PRDM15: variants seen among roughly 807,000 people sequenced by gnomAD.
PRDM15 encodes the protein PR/SET domain 15, also known as PR domain zinc finger protein 15.
In PRDM15, 64 loss-of-function variants were observed where a neutral mutation model predicts 128.6. The ratio of observed to expected loss-of-function variants is 0.50; its 90% CI spans 0.41 to 0.61. The LOEUF (loss-of-function observed/expected upper bound fraction) is 0.61, where lower values mean the gene tolerates loss of function less well. Ranked by LOEUF, PRDM15 falls within the 20% of genes least tolerant of loss-of-function variation. PRDM15 has a pLI of 0.00. For synonymous variants in PRDM15, 615 were observed against 621.8 expected (o/e 0.99, Z 0.16); for missense variants, 1,242 against 1,569.1 (o/e 0.79, Z 3.52).
Position 41,825,008 on chromosome 21 carries a change from G to A in PRDM15, c.1629+952C>T, listed in dbSNP as rs372398727. ...TCCGGGGCTCACGTGAGCTGTGTGT[G>A]GCTGGGGCACCCTCCCCTCGGCGGC... On this transcript the variant is annotated intron_variant, in intron 13 of 23. Transcript: ENST00000398548. 8.1e-4 allele frequency among the ~76,000 whole-genome samples: 124 copies of A among 152,344 alleles called. 2 individuals carry two copies. In the South Asian group the frequency reaches 0.025, roughly 30 times the overall value.
At chr21:41,829,418 TAAC>T (rs1286103277) in intron 11 of PRDM15, among the ~76,000 whole-genome samples, 6 of 149,248 alleles carry the variant, frequency 4.0e-5, no homozygotes, top group African/African-American at 1.0e-4. Flanking sequence ...AATACACAAA[TAAC>T]ACCACACACA....
At position 41,858,074 on chromosome 21, in the gene PRDM15, G is replaced by A. The variant is rs564944605; in HGVS notation, c.132-745C>T. ...ATGGAGGAGGGACCACAGGGAACTC[G>A]CTGCTGAGGAGCCATATGAAGAGCA... On this transcript the variant is annotated intron_variant, in intron 3 of 23. Transcript: ENST00000398548. Among the ~76,000 whole-genome samples, 10 of 152,358 alleles carry A rather than the reference G, an allele frequency of 6.6e-5. No homozygotes were observed. In the South Asian group the frequency reaches 2.1e-3, roughly 32 times the overall value.
In PRDM15 at chr21:41,801,069, G is replaced by T; in HGVS notation, c.*171C>A. ...TGCCAGAGGTCCCTTCTAGAGTTAA[G>T]CTGACAGACCGTAATGGTTGCTGGC... is the stretch of plus-strand genomic sequence containing the variant. On this transcript the variant is annotated 3_prime_UTR_variant, in exon 24 of 24. Coordinates refer to ENST00000398548, the MANE Select transcript of PRDM15 (RefSeq NM_001040424.3). The T allele has an allele frequency of 1.0e-6, 1 of 953,662 alleles. No individual in the cohort carries two copies. Among genetic ancestry groups the T allele is most frequent in the Non-Finnish European group, 1.5e-6 (1 of 655,242 alleles). The allele number at this position is 953,662 out of a possible 1,614,324, so 59.1% of individuals were successfully genotyped here.
Position 41,819,717 on chromosome 21 carries a change from T to C in PRDM15, c.2141-16A>G, listed in dbSNP as rs539753835. On this transcript the variant is annotated splice_polypyrimidine_tract_variant and intron_variant, in intron 17 of 23. Transcript: ENST00000398548. Reference sequence around the variant, plus strand: ...CTCTTCACACCTGAGAACACAGGCATCTGCCACTCAGAGCCGAGCAGCTCC... The same window carrying C: ...CTCTTCACACCTGAGAACACAGGCACCTGCCACTCAGAGCCGAGCAGCTCC... The C allele has an allele frequency of 1.1e-5, 18 of 1,590,868 alleles. No homozygotes were observed. The East Asian group carries it at 2.3e-4, about 20-fold the overall frequency.
intron 13 of PRDM15, among the ~76,000 whole-genome samples, chr21:41,823,838 C>T (rs1400753442): frequency 1.3e-5 from 2 of 152,224 alleles, no homozygotes; most frequent in East Asian, 3.8e-4. Context: ...TAGTTACCCC[C>T]TTGGCTTTTA....
chr21:41,863,356 T>C (rs909900960), intron 1 of PRDM15: 1 of 152,056 alleles, frequency 6.6e-6, no homozygotes, highest in African/African-American at 2.4e-5. Flanking sequence ...GAATCAGGCT[T>C]GGCAGAGGGC....
chr21:41,821,650 A>G lies in PRDM15; in HGVS notation c.1896+253T>C, dbSNP rs961890992. Among the ~76,000 whole-genome samples the G allele has an allele frequency of 5.3e-5, 8 of 152,162 alleles. No individual in the cohort carries two copies. The highest frequency in any genetic ancestry group is 1.2e-4 in the African/African-American group (5 of 41,440). On this transcript the variant is annotated intron_variant, in intron 15 of 23. Coordinates refer to ENST00000398548, the MANE Select transcript of PRDM15 (RefSeq NM_001040424.3). The surrounding 1 kb of genome is among the most constrained non-coding windows in gnomAD (Gnocchi z 5.4). ...ATGTGTGTTCCTGAACCGTGTCACAAGGCAAGTTCCTGGAGGGCGCCTGTG... is the reference window on the plus strand; with the variant it reads ...ATGTGTGTTCCTGAACCGTGTCACAGGGCAAGTTCCTGGAGGGCGCCTGTG...
intron 1 of PRDM15, among the ~76,000 whole-genome samples, chr21:41,874,504 T>TAC (rs1182199998): frequency 7.0e-4 from 73 of 104,850 alleles, no homozygotes; most frequent in African/African-American, 2.3e-3. Flanking sequence ...GCAGCATGCA[T>TAC]ATATATATAT....
intron 11 of PRDM15, among the ~76,000 whole-genome samples, chr21:41,829,140 GCCCCACACAAATACACAAATACACAA>G (rs2062588369): frequency 1.5e-5 from 2 of 130,508 alleles, no homozygotes; most frequent in African/African-American, 6.0e-5. Context: ...ACACACACAT[GCCCCACACAAATACACAAATACACAA>G]TCACACACAC....
intron 13 of PRDM15, among the ~76,000 whole-genome samples, chr21:41,824,910 G>A (rs796657455): frequency 4.8e-4 from 73 of 152,392 alleles, no homozygotes; most frequent in African/African-American, 1.7e-3. Flanking sequence ...AAGGCAGGAC[G>A]GCGGGGACGG....
At chr21:41,871,582 C>T (rs1174205357) in intron 1 of PRDM15, 4 of 1,612,296 alleles carry the variant, frequency 2.5e-6, no homozygotes, top group East Asian at 2.2e-5. Flanking sequence ...GAGATGTTTC[C>T]AAGAGCTGCT....
chr21:41,839,633 C>CT lies in PRDM15; in HGVS notation c.860dup (p.Glu288GlyfsTer17). ...GGACCCGCTCATCACCTGTGGGTTC[C>CT]TTGTCTTCCACGATGACTAGAGGCT... On this transcript the variant is annotated frameshift_variant, in exon 7 of 24. Coordinates refer to ENST00000398548, the MANE Select transcript of PRDM15 (RefSeq NM_001040424.3). LOFTEE classifies it high-confidence loss of function. 6.2e-7 allele frequency: 1 copy of CT among 1,614,242 alleles called. No individual in the cohort carries two copies. Among genetic ancestry groups the CT allele is most frequent in the African/African-American group, 1.3e-5 (1 of 75,074 alleles).
chr21:41,809,208 A>T (rs2146258736), intron 21 of PRDM15, among the ~76,000 whole-genome samples: 1 of 151,168 alleles, frequency 6.6e-6, no homozygotes, highest in Non-Finnish European at 1.5e-5. Flanking sequence ...TCTGTCTAAC[A>T]CAGCCATGGC....
chr21:41,824,347 A>T (rs573371312), intron 13 of PRDM15, among the ~76,000 whole-genome samples: 48 of 152,340 alleles, frequency 3.2e-4, no homozygotes, highest in Admixed American at 4.6e-4. Context: ...AAAGGTGAGC[A>T]GGAGAGGACA....
intron 11 of PRDM15, among the ~76,000 whole-genome samples, chr21:41,834,819 A>T (rs2062816551): frequency 6.6e-6 from 1 of 152,232 alleles, no homozygotes; most frequent in South Asian, 2.1e-4. Context: ...CCAGAGAGAC[A>T]GGGGCCTCAG....
intron 11 of PRDM15, among the ~76,000 whole-genome samples, chr21:41,834,818 CAG>C (rs931096887): frequency 4.6e-5 from 7 of 152,250 alleles, no homozygotes; most frequent in Non-Finnish European, 1.0e-4. Flanking sequence ...GCCAGAGAGA[CAG>C]GGGCCTCAGA....
intron 6 of PRDM15, among the ~76,000 whole-genome samples, chr21:41,843,900 GATCACACCATCGCATTCCT>G (rs2063148215): frequency 7.1e-6 from 1 of 141,152 alleles, no homozygotes; most frequent in Non-Finnish European, 1.5e-5. Context: ...AATGAGCTAA[GATCACACCATCGCATTCCT>G]GCCTGGGTGA....
At chr21:41,833,823 T>C (rs1233212849) in intron 11 of PRDM15, among the ~76,000 whole-genome samples, 1 of 152,126 alleles carries the variant, frequency 6.6e-6, no homozygotes, top group Non-Finnish European at 1.5e-5. Flanking sequence ...AGAGAAATAG[T>C]TGAAAATATC....
rs531508268 is a variant in PRDM15, at chr21:41,854,015, G to A, written c.538+551C>T. ...GGTCACTCACTGCACGTAGCCCCCA[G>A]GGCAGAGCTAAGCAGTCATGCGCCA... On this transcript the variant is annotated intron_variant, in intron 5 of 23. Coordinates refer to ENST00000398548, the MANE Select transcript of PRDM15 (RefSeq NM_001040424.3). This position sits in a 1 kb window ranked among gnomAD's most constrained non-coding sequence, Gnocchi z 4.6. 1.3e-5 allele frequency among the ~76,000 whole-genome samples: 2 copies of A among 152,334 alleles called. No homozygotes were observed. Among genetic ancestry groups the A allele is most frequent in the African/African-American group, 4.8e-5 (2 of 41,584 alleles).
Sources: allele counts gnomAD v4.1 joint callset (sites outside exome capture counted in the v4.1 genomes callset), GRCh38; gene constraint gnomAD v4.1.1; non-coding constraint Gnocchi (gnomAD v3.1); transcripts MANE v1.5; gene names NCBI Gene and HGNC (gene_info 2026-07-23, HGNC 2026-07-21).